Variants in SHANK1 observed in about 807,000 individuals in gnomAD.
The protein encoded by SHANK1 is SH3 and multiple ankyrin repeat domains 1.
Under a neutral mutation model 165.6 loss-of-function variants are expected in SHANK1, and 35 were observed. That is an observed-to-expected ratio of 0.21 (90% confidence interval 0.16 to 0.28). SHANK1 has a LOEUF of 0.28. Among genes scored for constraint, SHANK1 ranks in the 10% least tolerant of loss-of-function variants. The pLI, the probability that SHANK1 is intolerant of heterozygous loss-of-function variation, is 1.00. For synonymous variants in SHANK1, 1,428 were observed against 1,384.8 expected (o/e 1.03, Z -0.69); for missense variants, 2,681 against 3,036.4 (o/e 0.88, Z 2.75).
Position 50,662,016 on chromosome 19 carries a change from C to A in SHANK1, c.6435G>T (p.Val2145=), listed in dbSNP as rs1474726630. The change falls in exon 24 of 24, where the codon GTG becomes GTT. Residue 2145 remains valine, a synonymous_variant. Coordinates refer to ENST00000293441, the MANE Select transcript of SHANK1 (RefSeq NM_016148.5). The surrounding 1 kb of genome is among the most constrained non-coding windows in gnomAD (Gnocchi z 7.7). ...CCCGGTCGATGTTCATGCGGTGGCC[C>A]ACCCTGGTCACACCTAGATCGACGT... The part of the protein sequence containing the change: ...EDYVDLGVTR[V]GHRMNIDRAL... 6.2e-7 allele frequency: 1 copy of A among 1,614,082 alleles called. No homozygotes were observed.
chr19:50,687,024 C>T (rs1319659804), intron 19 of SHANK1: 2 of 1,488,302 alleles, frequency 1.3e-6, no homozygotes, highest in Non-Finnish European at 1.8e-6. Flanking sequence ...CACCACTCTT[C>T]TTCTTCCAGG....
rs1985097012 is a variant in SHANK1, at chr19:50,659,447, G to A, written c.*2518C>T. On this transcript the variant is annotated 3_prime_UTR_variant, in exon 24 of 24. Transcript: ENST00000293441. ...GTGGACGCCTGGGTCCCAATCCCTTGAGGGATGAACTGAAGCCCGCGAAAG... is the reference window on the plus strand; with the variant it reads ...GTGGACGCCTGGGTCCCAATCCCTTAAGGGATGAACTGAAGCCCGCGAAAG... The A allele has an allele frequency of 4.1e-6, 1 of 245,090 alleles. No homozygotes were observed. The highest frequency in any genetic ancestry group is 7.7e-6 in the Non-Finnish European group (1 of 129,286). 15.2% of individuals were successfully genotyped at this position (245,090 alleles called of 1,614,324 possible).
rs1179039497 is a variant in SHANK1 at position 50,717,798 on chromosome 19, T to C, written c.-43-836A>G. 2.0e-5 allele frequency among the ~76,000 whole-genome samples: 3 copies of C among 150,930 alleles called. No individual in the cohort carries two copies. The East Asian group carries it at 5.9e-4, about 30-fold the overall frequency. Reference sequence around the variant, plus strand: ...CTCTTTTCTAGGACTGCAGGGTGGGTGGGCTGGCTTGCTGGGTACTAGGGG... The same window carrying C: ...CTCTTTTCTAGGACTGCAGGGTGGGCGGGCTGGCTTGCTGGGTACTAGGGG... On this transcript the variant is annotated intron_variant, in intron 1 of 23. Coordinates refer to ENST00000293441, the MANE Select transcript of SHANK1 (RefSeq NM_016148.5). This position sits in a 1 kb window ranked among gnomAD's most constrained non-coding sequence, Gnocchi z 5.5.
chr19:50,665,528 C>A (rs1319585579), intron 23 of SHANK1, among the ~76,000 whole-genome samples: 1 of 132,546 alleles, frequency 7.5e-6, no homozygotes, highest in East Asian at 2.2e-4. Context: ...GATTGTACCA[C>A]TGCACTCCAG....
rs534845964 is a variant in SHANK1, at chr19:50,666,725, C to T, written c.5235G>A (p.Pro1745=). The T allele has an allele frequency of 5.7e-6, 9 of 1,572,148 alleles. 1 individual carries two copies. Among genetic ancestry groups the T allele is most frequent in the South Asian group, 2.3e-5 (2 of 86,020 alleles). ...QAFGGSSTPG[P]PYPPQLMTPS... ...GAGTCATGAGCTGAGGAGGGTATGGCGGGCCGGGAGTACTGCTGCCCCCAA... is the reference window on the plus strand; with the variant it reads ...GAGTCATGAGCTGAGGAGGGTATGGTGGGCCGGGAGTACTGCTGCCCCCAA... The change falls in exon 23 of 24, where the codon CCG becomes CCA. Residue 1745 remains proline (P), a synonymous_variant. Transcript: ENST00000293441.
chr19:50,664,906 C>T (rs1481088797), intron 23 of SHANK1, among the ~76,000 whole-genome samples: 1 of 152,176 alleles, frequency 6.6e-6, no homozygotes, highest in Admixed American at 6.5e-5. Context: ...AGGTGCCCAC[C>T]ACCATGACCG....
intron 21 of SHANK1, among the ~76,000 whole-genome samples, chr19:50,675,061 CAA>C (rs10560370): frequency 0.41 from 35,005 of 85,136 alleles, 5,003 homozygotes; most frequent in Admixed American, 0.5. Context: ...CACTCGGTCT[CAA>C]AAAAAAAAAA....
In SHANK1 at chr19:50,661,337, G is replaced by A. The variant is rs1172604844; in HGVS notation, c.*628C>T. ...GCAGCGTGTGCGAGGAGAGCAGAGT[G>A]TATTTGAGCGGGCCTCGCCAGCCAG... On this transcript the variant is annotated 3_prime_UTR_variant, in exon 24 of 24. Coordinates refer to ENST00000293441, the MANE Select transcript of SHANK1 (RefSeq NM_016148.5). 6.6e-6 allele frequency among the ~76,000 whole-genome samples: 1 copy of A among 152,132 alleles called. No individual in the cohort carries two copies. Among genetic ancestry groups the A allele is most frequent in the African/African-American group, 2.4e-5 (1 of 41,414 alleles).
chr19:50,706,158 CA>C (rs917830930), intron 8 of SHANK1, among the ~76,000 whole-genome samples: 2 of 16,354 alleles, frequency 1.2e-4, no homozygotes, highest in Admixed American at 7.4e-4. Flanking sequence ...GACCCTGTCT[CA>C]AAAAAAAGGG....
Position 50,662,978 on chromosome 19 carries a change from G to A in SHANK1, c.5769-296C>T, listed in dbSNP as rs1203716707. 6 of 442,694 alleles carry A rather than the reference G, an allele frequency of 1.4e-5. No homozygotes were observed. Among genetic ancestry groups the A allele is most frequent in the Non-Finnish European group, 2.5e-5 (6 of 243,500 alleles). The allele number at this position is 442,694 out of a possible 1,614,324, so 27.4% of individuals were successfully genotyped here. On this transcript the variant is annotated intron_variant, in intron 23 of 23. Coordinates refer to ENST00000293441, the MANE Select transcript of SHANK1 (RefSeq NM_016148.5). This position sits in a 1 kb window ranked among gnomAD's most constrained non-coding sequence, Gnocchi z 7.7. ...ATAATAATCGTCACCGCTTACTGATGCTCACGTGTGCCAGGCATTGTTCTA... is the reference window on the plus strand; with the variant it reads ...ATAATAATCGTCACCGCTTACTGATACTCACGTGTGCCAGGCATTGTTCTA...
In SHANK1 at chr19:50,672,185, T is replaced by C. The variant is rs535810163; in HGVS notation, c.2578-71A>G. Reference sequence around the variant, plus strand: ...AGATCAGTCAGCGCAGAAAGGCTTGTGGCTTCACTATACGGCTGCCCCCAT... The same window carrying C: ...AGATCAGTCAGCGCAGAAAGGCTTGCGGCTTCACTATACGGCTGCCCCCAT... On this transcript the variant is annotated intron_variant, in intron 21 of 23. Coordinates refer to ENST00000293441, the MANE Select transcript of SHANK1 (RefSeq NM_016148.5). 1.5e-5 allele frequency: 18 copies of C among 1,234,916 alleles called. No individual in the cohort carries two copies. In the African/African-American group the frequency reaches 1.9e-4, roughly 13 times the overall value. The allele number at this position is 1,234,916 out of a possible 1,614,324, so 76.5% of individuals were successfully genotyped here.
chr19:50,706,212 C>A (rs892669372), intron 8 of SHANK1, among the ~76,000 whole-genome samples: 1 of 152,086 alleles, frequency 6.6e-6, no homozygotes, highest in Admixed American at 6.5e-5. Context: ...TGATTATCAG[C>A]CTTGGATTCG....
rs766462425 is a variant in SHANK1 at position 50,662,521 on chromosome 19, G to A, written c.5930C>T (p.Ser1977Phe). 8 of 1,555,854 alleles carry A rather than the reference G, an allele frequency of 5.1e-6. No homozygotes were observed. In the South Asian group the frequency reaches 9.5e-5, roughly 18 times the overall value. The change falls in exon 24 of 24, where the codon TCC (serine) becomes TTC (phenylalanine). Residue 1977 changes from serine (S) to phenylalanine (F), a missense_variant. Around this residue, in one of 10 missense-constraint regions of SHANK1, gnomAD observed 1,713 missense variants for 1,630.2 expected, o/e 1.05. Transcript: ENST00000293441. The surrounding 1 kb of genome is among the most constrained non-coding windows in gnomAD (Gnocchi z 7.7). The part of the protein sequence containing the change: ...GATSPSASSS[S>F]TSTRHLQGVE... The stretch of plus-strand genomic sequence containing the variant: ...GCCCTGGAGGTGGCGGGTGGACGTG[G>A]AGGAGGAGGAGGCTGAGGGTGAGGT...
At chr19:50,707,535 A>G (rs556871437) in intron 8 of SHANK1, among the ~76,000 whole-genome samples, 1 of 149,662 alleles carries the variant, frequency 6.7e-6, no homozygotes, top group East Asian at 1.9e-4. Context: ...TGGAGCAGTT[A>G]GGATTCCAAC....
chr19:50,702,533 C>T lies in SHANK1; in HGVS notation c.1681G>A (p.Ala561Thr). The change falls in exon 12 of 24, where the codon GCT becomes ACT. Residue 561 changes from alanine (A) to threonine (T), a missense_variant. By Grantham distance (58) the Ala-to-Thr change is moderately conservative (BLOSUM62 0). Around this residue, in one of 10 missense-constraint regions of SHANK1, gnomAD observed 195 missense variants for 186.2 expected, o/e 1.05. Coordinates refer to ENST00000293441, the MANE Select transcript of SHANK1 (RefSeq NM_016148.5). The surrounding 1 kb of genome is among the most constrained non-coding windows in gnomAD (Gnocchi z 5.3). Reference protein sequence around the residue: ...YSAVPGRSFMAVKSYQAQAEG... With the variant: ...YSAVPGRSFMTVKSYQAQAEG... ...GCTTGGGCCTGGTAGGACTTCACAGCCATGAAGGAGCGTCCGGGTACCGCT... is the reference window on the plus strand; with the variant it reads ...GCTTGGGCCTGGTAGGACTTCACAGTCATGAAGGAGCGTCCGGGTACCGCT... 6.2e-7 allele frequency: 1 copy of T among 1,613,374 alleles called. No homozygotes were observed. The highest frequency in any genetic ancestry group is 8.5e-7 in the Non-Finnish European group (1 of 1,179,926).
chr19:50,705,456 C>T (rs186708757), intron 8 of SHANK1, among the ~76,000 whole-genome samples: 28 of 152,338 alleles, frequency 1.8e-4, no homozygotes, highest in Admixed American at 1.6e-3. Flanking sequence ...TTTTCCCCTT[C>T]TCTTTAACAT....
rs780395301 is a variant in SHANK1 at position 50,668,530 on chromosome 19, C to T, written c.3430G>A (p.Val1144Met). The change falls in exon 23 of 24, where the codon GTG becomes ATG. Residue 1144 changes from valine to methionine, a missense_variant. Physicochemically the swap from Val to Met is conservative, Grantham distance 21. Transcript: ENST00000293441. The part of the protein sequence containing the change: ...SPASPQPPPA[V>M]AAPSEKNSIP... ...GAGTTCTTCTCCGAGGGCGCGGCCA[C>T]GGCGGGCGGCGGCTGCGGGGAGGCC... The T allele has an allele frequency of 4.4e-6, 6 of 1,351,432 alleles. No homozygotes were observed. In the Admixed American group the frequency reaches 1.9e-4, roughly 42 times the overall value. 83.7% of individuals were successfully genotyped at this position (1,351,432 alleles called of 1,614,324 possible).
At chr19:50,675,438 G>A (rs1985944983) in intron 21 of SHANK1, among the ~76,000 whole-genome samples, 1 of 152,108 alleles carries the variant, frequency 6.6e-6, no homozygotes, top group Non-Finnish European at 1.5e-5. Context: ...GAGTTTCCTG[G>A]GGTCTGTATT....
chr19:50,674,845 T>C (rs1001208576), intron 21 of SHANK1, among the ~76,000 whole-genome samples: 2 of 152,144 alleles, frequency 1.3e-5, no homozygotes, highest in African/African-American at 2.4e-5. Context: ...GCAGATCACC[T>C]GAGGTCAGGA....
Sources: gnomAD v4.1 joint callset for allele counts (sites outside exome capture counted in the v4.1 genomes callset) on GRCh38, gnomAD v4.1.1 for gene constraint, gnomAD v4.1.1 regional missense constraint, Gnocchi (gnomAD v3.1) non-coding constraint, MANE v1.5 for transcripts, NCBI Gene and HGNC (gene_info 2026-07-23, HGNC 2026-07-21) for gene names.